Variants in PTK2 observed in about 807,000 individuals in gnomAD.
PTK2 encodes the protein protein tyrosine kinase 2.
A neutral mutation model predicts 150.1 loss-of-function variants in PTK2; 45 were observed. That is an observed-to-expected ratio of 0.30 (90% confidence interval 0.24 to 0.38). The LOEUF (loss-of-function observed/expected upper bound fraction) is 0.38. Ranked by LOEUF, PTK2 falls within the 10% of genes least tolerant of loss-of-function variation. PTK2 has a pLI of 1.00. For missense variants in PTK2, 919 were observed against 1,307.3 expected (o/e 0.70, Z 4.58); for synonymous variants, 432 against 449.2 (o/e 0.96, Z 0.48).
intron 1 of PTK2, among the ~76,000 whole-genome samples, chr8:140,969,744 C>T (rs374933333): frequency 2.0e-5 from 3 of 152,356 alleles, no homozygotes; most frequent in South Asian, 2.1e-4. Context: ...TACCTTTATG[C>T]TAACTGTAGC....
At chr8:140,857,947 G>A (rs989617446) in intron 5 of PTK2, among the ~76,000 whole-genome samples, 3 of 152,180 alleles carry the variant, frequency 2.0e-5, no homozygotes, top group Admixed American at 6.5e-5. Context: ...AACAACAAAC[G>A]TGAAGAGCCC....
chr8:140,988,318 T>C (rs561884138), intron 1 of PTK2, among the ~76,000 whole-genome samples: 2 of 152,202 alleles, frequency 1.3e-5, no homozygotes, highest in Non-Finnish European at 2.9e-5. Context: ...CAAGGTACTC[T>C]TGAAGAAGAG....
At chr8:140,964,062 C>T (rs2100184343) in intron 1 of PTK2, among the ~76,000 whole-genome samples, 1 of 152,096 alleles carries the variant, frequency 6.6e-6, no homozygotes, top group African/African-American at 2.4e-5. Flanking sequence ...TAGGTTCTTC[C>T]CTTCCCCCAC....
intron 2 of PTK2, among the ~76,000 whole-genome samples, chr8:140,899,194 A>T (rs1028774793): frequency 1.4e-4 from 22 of 152,206 alleles, no homozygotes; most frequent in Non-Finnish European, 2.9e-4. Context: ...TGGAATCTGT[A>T]TTCCCTCTCC....
At chr8:140,836,469 C>A (rs1163510256) in intron 7 of PTK2, among the ~76,000 whole-genome samples, 2 of 152,014 alleles carry the variant, frequency 1.3e-5, no homozygotes, top group Non-Finnish European at 2.9e-5. Flanking sequence ...AACCTGTAGC[C>A]CCAATGACTG....
intron 1 of PTK2, among the ~76,000 whole-genome samples, chr8:140,971,504 C>A (rs1473253263): frequency 6.6e-6 from 1 of 152,196 alleles, no homozygotes; most frequent in Non-Finnish European, 1.5e-5. Context: ...AGTCAAGACT[C>A]AAATTTTTCT....
intron 25 of PTK2, among the ~76,000 whole-genome samples, 166 bp downstream of exon 28, chr8:140,702,404 A>G (rs979943729): frequency 1.3e-5 from 2 of 151,928 alleles, no homozygotes; most frequent in East Asian, 3.9e-4. Flanking sequence ...TTTTTTGTAG[A>G]GACAGGGTCT....
chr8:140,935,942 C>G (rs181827526), intron 1 of PTK2, among the ~76,000 whole-genome samples: 2 of 152,128 alleles, frequency 1.3e-5, no homozygotes, highest in East Asian at 1.9e-4. Context: ...CCACCACACC[C>G]GGCCTGTCCT....
chr8:140,763,323 T>C (rs1253230915), intron 15 of PTK2, among the ~76,000 whole-genome samples: 1 of 152,184 alleles, frequency 6.6e-6, no homozygotes, highest in Non-Finnish European at 1.5e-5. Flanking sequence ...ATATTTATAC[T>C]ATAGAATAAG....
Position 140,706,129 on chromosome 8 carries a change from T to C in PTK2, c.2219A>G (p.Asn740Ser), listed in dbSNP as rs143253214. 22 of 1,606,220 alleles carry C rather than the reference T, an allele frequency of 1.4e-5. No homozygotes were observed. The highest frequency in any genetic ancestry group is 6.7e-5 in the African/African-American group (5 of 74,682). ...TAATGACTGGCATACCTGGTAATGA[T>C]TGGTTTGTACCATGTGCTGTGGGCT... Residue 740 changes from asparagine (N) to serine (S), a missense_variant, in exon 24 of 32, where the codon AAT becomes AGT. Around this residue, in one of 3 missense-constraint regions of PTK2, gnomAD observed 258 missense variants for 265.4 expected, o/e 0.97. Transcript: ENST00000522684.
chr8:140,706,171 C>G, exon 24 of PTK2: 2 of 1,613,656 alleles, frequency 1.2e-6, no homozygotes, highest in Non-Finnish European at 1.7e-6. Context: ...AAATCCTTCG[C>G]TGGACCTCGG....
chr8:140,892,726 T>C (rs2100154645), intron 2 of PTK2: 3 of 348,246 alleles, frequency 8.6e-6, no homozygotes, highest in Non-Finnish European at 1.6e-5. Flanking sequence ...AAAACATATG[T>C]ACCATGTATC....
At chr8:140,799,018 T>C (rs544999835) in intron 12 of PTK2, among the ~76,000 whole-genome samples, 38 of 152,318 alleles carry the variant, frequency 2.5e-4, no homozygotes, top group Admixed American at 2.3e-3. Context: ...TGAATAGGCT[T>C]ATTGGTGTGA....
chr8:140,696,161 C>T (rs1004051031), intron 26 of PTK2, among the ~76,000 whole-genome samples: 3 of 152,090 alleles, frequency 2.0e-5, no homozygotes, highest in Non-Finnish European at 4.4e-5. Flanking sequence ...ACGATGGGAG[C>T]TGGGGGAGAG....
At chr8:140,818,979 T>C (rs775915048) in exon 9 of PTK2, 10 of 1,613,452 alleles carry the variant, frequency 6.2e-6, no homozygotes, top group Admixed American at 5.0e-5. Context: ...GGTTGGCAAA[T>C]TGTCTAAATG....
At chr8:140,977,254 G>C (rs1286449786) in intron 1 of PTK2, among the ~76,000 whole-genome samples, 1 of 152,074 alleles carries the variant, frequency 6.6e-6, no homozygotes, top group Non-Finnish European at 1.5e-5. Flanking sequence ...GCCAGGTGTG[G>C]TAATGTGTAC....
rs533089786 is a variant in PTK2, at chr8:140,679,003, GTTTTTTTTTTTTTTTTTTTT to G, written c.2563-3524_2563-3505del. 1.6e-3 allele frequency among the ~76,000 whole-genome samples: 108 copies of G among 69,008 alleles called. 1 individual carries two copies. The highest frequency in any genetic ancestry group is 7.4e-3 in the East Asian group (16 of 2,156). The allele number at this position is 69,008 out of a possible 152,430, so 45.3% of individuals were successfully genotyped here. A position where few individuals can be genotyped will look rare whatever the true frequency, so the allele number is the denominator to read the frequency against. On this transcript the variant is annotated intron_variant, in intron 27 of 31. Coordinates refer to ENST00000522684, the Ensembl canonical transcript of PTK2. ...TCACGGCCAGCTGAGTGCTCCCCATGTTTTTTTTTTTTTTTTTTTTTTTTTTTTTTTTTTTTTTTGAGACG... is the reference window on the plus strand; with the variant it reads ...TCACGGCCAGCTGAGTGCTCCCCATGTTTTTTTTTTTTTTTTTTTGAGACG...
chr8:140,966,875 A>G (rs1044527766), intron 1 of PTK2, among the ~76,000 whole-genome samples: 2 of 152,154 alleles, frequency 1.3e-5, no homozygotes, highest in South Asian at 4.1e-4. Flanking sequence ...TCCATACCAC[A>G]CTAAATCTGT....
At chr8:140,723,249 C>T (rs190088214) in intron 22 of PTK2, among the ~76,000 whole-genome samples, 10 of 152,348 alleles carry the variant, frequency 6.6e-5, no homozygotes, top group Admixed American at 1.3e-4. Flanking sequence ...CTAAGTATCA[C>T]TTGCATATTA....
Sources: gnomAD v4.1 joint callset for allele counts (sites outside exome capture counted in the v4.1 genomes callset) on GRCh38, gnomAD v4.1.1 for gene constraint, gnomAD v4.1.1 regional missense constraint, MANE v1.5 for transcripts, NCBI Gene and HGNC (gene_info 2026-07-23, HGNC 2026-07-21) for gene names.